Variants in LUZP1 observed in about 807,000 individuals in gnomAD.
LUZP1 encodes leucine zipper protein 1.
Under a neutral mutation model 71.3 loss-of-function variants are expected in LUZP1, and 25 were observed. The ratio of observed to expected loss-of-function variants is 0.35; its 90% CI spans 0.26 to 0.49. The LOEUF is 0.49. Ranked by LOEUF, LUZP1 falls within the 20% of genes least tolerant of loss-of-function variation. LUZP1 has a pLI of 0.99. For synonymous variants in LUZP1, 481 were observed against 506.4 expected (o/e 0.95, Z 0.67); for missense variants, 1,142 against 1,300.8 (o/e 0.88, Z 1.88).
chr1:23,093,061 G>T lies in LUZP1; in HGVS notation c.1201C>A (p.Arg401=), dbSNP rs1454162875. 6.2e-7 allele frequency: 1 copy of T among 1,614,092 alleles called. No individual in the cohort carries two copies. The highest frequency in any genetic ancestry group is 1.3e-5 in the African/African-American group (1 of 75,018). The stretch of plus-strand genomic sequence containing the variant: ...AGAGCAAACTCCCTGTTCCGGAGTC[G>T]TTCCCGCTTATGCTGAGGAGACAGT... Residue 401 remains arginine (R), a synonymous_variant, in exon 4 of 5, where the codon CGA becomes AGA. Transcript: ENST00000302291. This position sits in a 1 kb window ranked among gnomAD's most constrained non-coding sequence, Gnocchi z 4.2.
intron 3 of LUZP1, among the ~76,000 whole-genome samples, chr1:23,108,600 C>T (rs1481239538): frequency 2.6e-5 from 4 of 151,974 alleles, no homozygotes; most frequent in African/African-American, 9.7e-5. Flanking sequence ...AACCCAGTCT[C>T]AGAAAAAAAG....
At chr1:23,115,168 T>G (rs980368219) in intron 2 of LUZP1, among the ~76,000 whole-genome samples, 1 of 152,218 alleles carries the variant, frequency 6.6e-6, no homozygotes. Flanking sequence ...TGCTGTAAAA[T>G]AATGTCTTTC....
At chr1:23,091,213 C>A in exon 4 of LUZP1, 1 of 1,610,562 alleles carries the variant, frequency 6.2e-7, no homozygotes, top group South Asian at 1.1e-5. Flanking sequence ...TGGTTCCAGG[C>A]TGCGACAGTG....
intron 3 of LUZP1, among the ~76,000 whole-genome samples, chr1:23,107,360 A>T (rs746315519): frequency 6.6e-6 from 1 of 152,196 alleles, no homozygotes; most frequent in Non-Finnish European, 1.5e-5. Context: ...GTTTCCACCC[A>T]TTAGAATATA....
intron 2 of LUZP1, among the ~76,000 whole-genome samples, chr1:23,151,079 T>C (rs1420127419): frequency 6.6e-6 from 1 of 152,170 alleles, no homozygotes; most frequent in Non-Finnish European, 1.5e-5. Context: ...AGTCTCGCTC[T>C]GTCGCCCAGG....
intron 2 of LUZP1, among the ~76,000 whole-genome samples, chr1:23,129,559 C>A (rs980951116): frequency 6.6e-5 from 10 of 152,114 alleles, no homozygotes; most frequent in Admixed American, 3.9e-4. Context: ...CCACCTTGAG[C>A]AATAAGAACA....
At chr1:23,124,632 T>C (rs910031449) in intron 2 of LUZP1, among the ~76,000 whole-genome samples, 34 of 152,128 alleles carry the variant, frequency 2.2e-4, no homozygotes, top group African/African-American at 7.5e-4. Flanking sequence ...TCCCAACCAC[T>C]ACACAGGTGA....
In LUZP1 at chr1:23,093,680, T is replaced by C. The variant is rs1235511678; in HGVS notation, c.582A>G (p.Val194=). The C allele has an allele frequency of 6.2e-7, 1 of 1,612,972 alleles. No individual in the cohort carries two copies. Among genetic ancestry groups the C allele is most frequent in the Admixed American group, 1.7e-5 (1 of 59,822 alleles). Residue 194 remains valine, a synonymous_variant, in exon 4 of 5, where the codon GTA becomes GTG. Transcript: ENST00000302291. This position sits in a 1 kb window ranked among gnomAD's most constrained non-coding sequence, Gnocchi z 4.2. Reference sequence around the variant, plus strand: ...TTTCATTCAAGTATTTTCTCTCACTTACAAAGCTCAGAGTTAATGATTTCA... The same window carrying C: ...TTTCATTCAAGTATTTTCTCTCACTCACAAAGCTCAGAGTTAATGATTTCA...
intron 2 of LUZP1, chr1:23,140,575 G>C (rs1444644355): frequency 1.3e-5 from 2 of 152,270 alleles, no homozygotes; most frequent in African/African-American, 4.8e-5. Context: ...AGCGCTAAAA[G>C]TCCTTCCTGC....
chr1:23,158,183 A>T (rs972778004), intron 2 of LUZP1, among the ~76,000 whole-genome samples: 2 of 152,152 alleles, frequency 1.3e-5, no homozygotes, highest in Non-Finnish European at 2.9e-5. Flanking sequence ...AAACATTTAA[A>T]CTCATACTTC....
At chr1:23,153,844 A>G (rs1644401377) in intron 2 of LUZP1, among the ~76,000 whole-genome samples, 1 of 152,144 alleles carries the variant, frequency 6.6e-6, no homozygotes, top group Non-Finnish European at 1.5e-5. Flanking sequence ...AGGCTGAGGT[A>G]GGAGAATCAT....
Position 23,094,043 on chromosome 1 carries a change from C to A in LUZP1, c.219G>T (p.Leu73=). Residue 73 remains leucine (L), a synonymous_variant, in exon 4 of 5, where the codon CTG becomes CTT. Coordinates refer to ENST00000302291, the Ensembl canonical transcript of LUZP1. This position sits in a 1 kb window ranked among gnomAD's most constrained non-coding sequence, Gnocchi z 4.7. ...TTTCCTCGTCTTTGCCTTCAATTCT[C>A]AGCACCCGCTGGCGCAGCACTTCAA... 6.2e-7 allele frequency: 1 copy of A among 1,614,224 alleles called. No individual in the cohort carries two copies.
chr1:23,137,915 C>A (rs1353694093), intron 2 of LUZP1, among the ~76,000 whole-genome samples: 1 of 152,148 alleles, frequency 6.6e-6, no homozygotes, highest in African/African-American at 2.4e-5. Context: ...TTCATGACAG[C>A]CAAAAATTGA....
chr1:23,091,418 A>C (rs757101914), exon 4 of LUZP1: 27 of 1,614,094 alleles, frequency 1.7e-5, no homozygotes, highest in Non-Finnish European at 2.3e-5. Flanking sequence ...AGGCATTGCT[A>C]TTGGTAGATT....
intron 2 of LUZP1, among the ~76,000 whole-genome samples, chr1:23,134,343 G>C (rs1644237290): frequency 6.6e-6 from 1 of 151,116 alleles, no homozygotes; most frequent in Non-Finnish European, 1.5e-5. Context: ...TTAGCCGGGT[G>C]TGGTGGTGCA....
intron 2 of LUZP1, among the ~76,000 whole-genome samples, chr1:23,148,143 G>C (rs1187253605): frequency 6.6e-6 from 1 of 152,146 alleles, no homozygotes; most frequent in African/African-American, 2.4e-5. Context: ...AAAAGGTAAA[G>C]GGACTTGTGA....
In LUZP1 at chr1:23,093,572, C is replaced by T. The variant is rs1381171279; in HGVS notation, c.690G>A (p.Arg230=). ...CATTTCTTTCCAGATTAGAAGCATT[C>T]CTTGTATAATCTCGGTTCATTTTTT... The change falls in exon 4 of 5, where the codon AGG becomes AGA. Residue 230 remains arginine (R), a synonymous_variant. Transcript: ENST00000302291. This position sits in a 1 kb window ranked among gnomAD's most constrained non-coding sequence, Gnocchi z 4.2. 6.2e-7 allele frequency: 1 copy of T among 1,613,902 alleles called. No homozygotes were observed. Among genetic ancestry groups the T allele is most frequent in the African/African-American group, 1.3e-5 (1 of 75,026 alleles).
intron 2 of LUZP1, among the ~76,000 whole-genome samples, chr1:23,146,334 T>G (rs1332101251): frequency 6.6e-6 from 1 of 152,210 alleles, no homozygotes; most frequent in Non-Finnish European, 1.5e-5. Context: ...ATTATCTTTA[T>G]GCATTCTGAG....
intron 3 of LUZP1, among the ~76,000 whole-genome samples, chr1:23,097,579 A>G (rs568271981): frequency 6.6e-6 from 1 of 152,318 alleles, no homozygotes; most frequent in South Asian, 2.1e-4. Flanking sequence ...AGCCGAGTGC[A>G]ATGACTCATA....
Sources: gnomAD v4.1 joint callset for allele counts (sites outside exome capture counted in the v4.1 genomes callset) on GRCh38, gnomAD v4.1.1 for gene constraint, Gnocchi (gnomAD v3.1) non-coding constraint, MANE v1.5 for transcripts, NCBI Gene and HGNC (gene_info 2026-07-23, HGNC 2026-07-21) for gene names.